Variants in PPP1R9A observed in about 807,000 individuals in gnomAD.
The protein encoded by PPP1R9A is neurabin-1.
Under a neutral mutation model 141.9 loss-of-function variants are expected in PPP1R9A, and 59 were observed. That is an observed-to-expected ratio of 0.42 (90% confidence interval 0.34 to 0.52). The LOEUF (loss-of-function observed/expected upper bound fraction) is 0.52. Ranked by LOEUF, PPP1R9A falls within the 20% of genes least tolerant of loss-of-function variation. The pLI, the probability that PPP1R9A is intolerant of heterozygous loss-of-function variation, is 0.10. For synonymous variants in PPP1R9A, 500 were observed against 569.7 expected, an observed-to-expected ratio of 0.88 and a Z score of 1.74; for missense variants, 1,444 against 1,611.9, an observed-to-expected ratio of 0.90 and a Z score of 1.78.
At position 95,247,459 on chromosome 7, in the gene PPP1R9A, T is replaced by A. The variant is rs1798265909; in HGVS notation, c.2113-14T>A. 1.9e-6 allele frequency: 3 copies of A among 1,598,582 alleles called. No individual in the cohort carries two copies. Among genetic ancestry groups the A allele is most frequent in the Non-Finnish European group, 2.6e-6 (3 of 1,168,552 alleles). ...TTTCTTAGTTCAGATTTTTTCTTTC[T>A]TTTCAATTTTCAGTTGCAAATCAAA... is the stretch of plus-strand genomic sequence containing the variant. On this transcript the variant is annotated splice_polypyrimidine_tract_variant and intron_variant, in intron 8 of 19. Transcript: ENST00000433360.
At chr7:95,014,935 T>A (rs747520644) in intron 2 of PPP1R9A, among the ~76,000 whole-genome samples, 1 of 152,090 alleles carries the variant, frequency 6.6e-6, no homozygotes, top group African/African-American at 2.4e-5. Context: ...ATTTGGCCTA[T>A]TGGAACCTTT....
chr7:94,913,648 T>C (rs1791718971), intron 2 of PPP1R9A, among the ~76,000 whole-genome samples: 1 of 152,198 alleles, frequency 6.6e-6, no homozygotes, highest in Non-Finnish European at 1.5e-5. Context: ...TGGATTCACT[T>C]GGAAAATTTG....
intron 2 of PPP1R9A, among the ~76,000 whole-genome samples, chr7:94,933,897 A>G (rs1044190155): frequency 1.3e-5 from 2 of 152,126 alleles, no homozygotes; most frequent in Non-Finnish European, 2.9e-5. Flanking sequence ...CTCTATTTTT[A>G]TCCCATTTGG....
intron 5 of PPP1R9A, among the ~76,000 whole-genome samples, chr7:95,195,360 A>T (rs1289650486): frequency 1.3e-5 from 2 of 150,330 alleles, no homozygotes; most frequent in Non-Finnish European, 3.0e-5. Flanking sequence ...GGCTCACTGC[A>T]GCCTTGACCT....
chr7:95,250,400 C>T, intron 10 of PPP1R9A, 145 bp downstream of exon 10: 1 of 702,406 alleles, frequency 1.4e-6, no homozygotes, highest in Non-Finnish European at 2.2e-6. Context: ...CATAAATACA[C>T]ATTAAGTTTT....
rs371469436 is a variant in PPP1R9A at position 94,911,195 on chromosome 7, G to A, written c.1082G>A (p.Arg361Lys). The change falls in exon 2 of 20, where the codon AGG becomes AAG. Residue 361 changes from arginine (R) to lysine (K), a missense_variant. This residue lies in a region of PPP1R9A where 490 missense variants were observed against 521.1 expected (regional missense o/e 0.94). Coordinates refer to ENST00000433360, the MANE Select transcript of PPP1R9A (RefSeq NM_001166160.2). The part of the protein sequence containing the change: ...LVGREAAKQQ[R>K]KELAGGDFTS... ...GGAAGGGAGGCAGCAAAGCAACAGA[G>A]GAAAGAACTTGCAGGTGGTGATTTC... The A allele has an allele frequency of 3.7e-6, 6 of 1,614,200 alleles. No individual in the cohort carries two copies. The highest frequency in any genetic ancestry group is 3.4e-6 in the Non-Finnish European group (4 of 1,180,034).
intron 7 of PPP1R9A, among the ~76,000 whole-genome samples, chr7:95,219,612 A>G (rs1794099095): frequency 6.6e-6 from 1 of 152,046 alleles, no homozygotes; most frequent in African/African-American, 2.4e-5. Flanking sequence ...AAAATCAGGA[A>G]ATATTCTGAT....
chr7:95,167,154 C>T (rs557780439), intron 5 of PPP1R9A, among the ~76,000 whole-genome samples: 1 of 152,214 alleles, frequency 6.6e-6, no homozygotes, highest in Non-Finnish European at 1.5e-5. Context: ...AGGAGCAAGT[C>T]ACATCTTACA....
intron 2 of PPP1R9A, among the ~76,000 whole-genome samples, chr7:95,100,742 G>A (rs1022844138): frequency 2.6e-5 from 4 of 151,990 alleles, no homozygotes; most frequent in African/African-American, 9.7e-5. Flanking sequence ...TCCCCTTCCT[G>A]AGGCCCCTAG....
At chr7:95,078,789 T>G (rs889613325) in intron 2 of PPP1R9A, among the ~76,000 whole-genome samples, 1 of 151,274 alleles carries the variant, frequency 6.6e-6, no homozygotes, top group Non-Finnish European at 1.5e-5. Context: ...TTTTGAGAAG[T>G]GTCTGTTCAT....
chr7:95,239,065 G>A (rs909722474), intron 8 of PPP1R9A, among the ~76,000 whole-genome samples: 2 of 151,960 alleles, frequency 1.3e-5, no homozygotes, highest in African/African-American at 4.8e-5. Context: ...TTTTTTGAAT[G>A]TGTTGCTTTT....
intron 2 of PPP1R9A, among the ~76,000 whole-genome samples, chr7:95,041,615 A>G (rs539422826): frequency 1.3e-5 from 2 of 152,212 alleles, no homozygotes; most frequent in East Asian, 3.9e-4. Context: ...TTCCTATTGC[A>G]AAGGCTGTGC....
chr7:95,270,904 T>C (rs1026626781), intron 14 of PPP1R9A, among the ~76,000 whole-genome samples: 7 of 152,124 alleles, frequency 4.6e-5, no homozygotes, highest in African/African-American at 1.4e-4. Context: ...ATTAAAAGCA[T>C]TGGGCCTCTG....
chr7:94,921,604 A>T (rs1046176138), intron 2 of PPP1R9A, among the ~76,000 whole-genome samples: 2 of 152,122 alleles, frequency 1.3e-5, no homozygotes, highest in African/African-American at 4.8e-5. Flanking sequence ...TTATATATGT[A>T]TAAAATTATT....
intron 8 of PPP1R9A, among the ~76,000 whole-genome samples, chr7:95,233,514 A>AT (rs1173198228): frequency 6.6e-6 from 1 of 152,128 alleles, no homozygotes; most frequent in Middle Eastern, 3.2e-3. Flanking sequence ...TTAAAGTATA[A>AT]TAAAAAAAAG....
chr7:94,941,130 A>G (rs1795297315), intron 2 of PPP1R9A, among the ~76,000 whole-genome samples: 1 of 152,170 alleles, frequency 6.6e-6, no homozygotes, highest in African/African-American at 2.4e-5. Context: ...ACAGACAGTA[A>G]TATAGAAGAG....
chr7:95,260,436 TG>T (rs1800252733), intron 12 of PPP1R9A, among the ~76,000 whole-genome samples: 1 of 152,196 alleles, frequency 6.6e-6, no homozygotes, highest in Admixed American at 6.5e-5. Flanking sequence ...CCCAGCACTT[TG>T]GGAGGCCAAG....
chr7:95,053,270 A>G (rs1584456989), intron 2 of PPP1R9A, among the ~76,000 whole-genome samples: 2 of 152,348 alleles, frequency 1.3e-5, no homozygotes, highest in Admixed American at 6.5e-5. Flanking sequence ...GGAATGTAAT[A>G]GAAATGGGTT....
chr7:95,230,758 CA>C (rs1409042302), intron 8 of PPP1R9A, among the ~76,000 whole-genome samples: 1 of 151,888 alleles, frequency 6.6e-6, no homozygotes, highest in Non-Finnish European at 1.5e-5. Context: ...AAAACCTCCC[CA>C]AAACAAAGAG....
Sources: gnomAD v4.1 joint callset for allele counts (sites outside exome capture counted in the v4.1 genomes callset) on GRCh38, gnomAD v4.1.1 for gene constraint, gnomAD v4.1.1 regional missense constraint, MANE v1.5 for transcripts, NCBI Gene and HGNC (gene_info 2026-07-23, HGNC 2026-07-21) for gene names.